Variants in CLHC1 observed in about 807,000 individuals in gnomAD.
CLHC1 encodes the protein clathrin heavy chain linker domain containing 1.
CLHC1 carries 72 observed loss-of-function variants against 69.5 expected under a neutral mutation model. The observed-to-expected ratio is 1.04, with a 90% CI of 0.86 to 1.26. The LOEUF (loss-of-function observed/expected upper bound fraction) is 1.26. Among genes scored for constraint, CLHC1 ranks in the 50% most tolerant of loss-of-function variants. The pLI, the probability that CLHC1 is intolerant of heterozygous loss-of-function variation, is 0.00. For synonymous variants in CLHC1, 223 were observed against 224.3 expected, an observed-to-expected ratio of 0.99 and a Z score of 0.05; for missense variants, 790 against 679.3, an observed-to-expected ratio of 1.16 and a Z score of -1.81.
rs1253120989 is a variant in CLHC1 at position 55,173,200 on chromosome 2, C to A, written c.*2590G>T. 2.6e-5 allele frequency among the ~76,000 whole-genome samples: 4 copies of A among 152,114 alleles called. No homozygotes were observed. The highest frequency in any genetic ancestry group is 9.7e-5 in the African/African-American group (4 of 41,412). On this transcript the variant is annotated 3_prime_UTR_variant, in exon 13 of 13. Coordinates refer to ENST00000401408, the MANE Select transcript of CLHC1 (RefSeq NM_152385.4). ...AGCAAGACCTAATAGAACACATGAACGTTGGTTAAATCTTCATTGGAACAA... is the reference window on the plus strand; with the variant it reads ...AGCAAGACCTAATAGAACACATGAAAGTTGGTTAAATCTTCATTGGAACAA...
chr2:55,221,045 A>T (rs375031469), intron 3 of CLHC1, among the ~76,000 whole-genome samples: 1 of 152,316 alleles, frequency 6.6e-6, no homozygotes. Flanking sequence ...ATATATCACT[A>T]TCTGAACCTC....
intron 4 of CLHC1, among the ~76,000 whole-genome samples, chr2:55,217,543 AAAAAAAAAAATATAT>A (rs1428633982): frequency 3.5e-5 from 3 of 84,934 alleles, no homozygotes; most frequent in Non-Finnish European, 6.4e-5. Flanking sequence ...AAAAAAAAAA[AAAAAAAAAAATATAT>A]ATATATATAT....
intron 9 of CLHC1, among the ~76,000 whole-genome samples, chr2:55,190,775 G>A (rs1012377971): frequency 6.6e-6 from 1 of 152,176 alleles, no homozygotes; most frequent in African/African-American, 2.4e-5. Flanking sequence ...CTGAATCGGT[G>A]AGTGGGGAGA....
At chr2:55,202,255 GA>G (rs35517817) in intron 9 of CLHC1, among the ~76,000 whole-genome samples, 106 of 138,840 alleles carry the variant, frequency 7.6e-4, no homozygotes, top group African/African-American at 9.4e-4. Context: ...TCTTATATTT[GA>G]AAAAAAAAAA....
rs1483338147 is a variant in CLHC1 at position 55,208,756 on chromosome 2, C to G, written c.815-46G>C. On this transcript the variant is annotated intron_variant, in intron 7 of 12. Coordinates refer to ENST00000401408, the MANE Select transcript of CLHC1 (RefSeq NM_152385.4). ...ACTGGAAGATATTTAAGGTTACTTA[C>G]CAATAGAAAACAATAAACATACATG... is the stretch of plus-strand genomic sequence containing the variant. 5.3e-6 allele frequency: 7 copies of G among 1,326,224 alleles called. No individual in the cohort carries two copies. The East Asian group carries it at 1.6e-4, about 31-fold the overall frequency. 82.2% of individuals were successfully genotyped at this position (1,326,224 alleles called of 1,614,324 possible).
At chr2:55,222,575 GA>G (rs776214463) in intron 2 of CLHC1, 82 bp from the exon 3 acceptor site, 3 of 546,226 alleles carry the variant, frequency 5.5e-6, no homozygotes, top group Non-Finnish European at 6.2e-6. Flanking sequence ...ATTTTTTTTA[GA>G]AAAAAATTTC....
intron 10 of CLHC1, 26 bp downstream of exon 10, chr2:55,181,544 T>A (rs1573594544): frequency 6.5e-7 from 1 of 1,531,302 alleles, no homozygotes; most frequent in South Asian, 1.2e-5. Flanking sequence ...ATGTCAAAAT[T>A]AAGTTAAAAG....
In CLHC1 at chr2:55,226,298, G is replaced by C. The variant is rs538716081; in HGVS notation, c.-83+1734C>G. ...GATTTAGTCACATTAACTTCAAACA[G>C]AACTCTTGGCTTGCTTAATAATGGC... On this transcript the variant is annotated intron_variant, in intron 2 of 12. Transcript: ENST00000401408. 3.9e-5 allele frequency among the ~76,000 whole-genome samples: 6 copies of C among 151,924 alleles called. No homozygotes were observed. In the East Asian group the frequency reaches 9.7e-4, roughly 24 times the overall value.
At chr2:55,177,497 A>C (rs1440364906) in intron 12 of CLHC1, 105 bp downstream of exon 12, 1 of 672,124 alleles carries the variant, frequency 1.5e-6, no homozygotes, top group Non-Finnish European at 2.4e-6. Flanking sequence ...ACTCTTGCTA[A>C]GAAGGAACTC....
chr2:55,192,371 C>T (rs558771796), intron 9 of CLHC1, among the ~76,000 whole-genome samples: 43 of 152,232 alleles, frequency 2.8e-4, no homozygotes, highest in Middle Eastern at 3.4e-3. Flanking sequence ...CCACCCACCT[C>T]GGCCTCCTAA....
intron 9 of CLHC1, among the ~76,000 whole-genome samples, chr2:55,193,335 T>A (rs556737593): frequency 5.9e-5 from 9 of 152,086 alleles, no homozygotes; most frequent in East Asian, 5.8e-4. Context: ...CTTTTTTTTT[T>A]AAATTAAAAA....
chr2:55,203,063 G>A (rs1257882105), intron 9 of CLHC1, among the ~76,000 whole-genome samples: 1 of 151,956 alleles, frequency 6.6e-6, no homozygotes, highest in Admixed American at 6.6e-5. Context: ...TAAATACCTA[G>A]AATTAACCAA....
intron 1 of CLHC1, among the ~76,000 whole-genome samples, chr2:55,230,913 G>A (rs906637839): frequency 6.6e-6 from 1 of 152,176 alleles, no homozygotes; most frequent in Admixed American, 6.5e-5. Context: ...GCAACTCTAG[G>A]AAATTTTGTT....
At chr2:55,200,706 C>T (rs919664627) in intron 9 of CLHC1, among the ~76,000 whole-genome samples, 1 of 152,168 alleles carries the variant, frequency 6.6e-6, no homozygotes, top group African/African-American at 2.4e-5. Flanking sequence ...CAGAACGTAT[C>T]ACCCAACAGC....
chr2:55,214,534 G>A (rs1673315432), intron 4 of CLHC1: 2 of 152,304 alleles, frequency 1.3e-5, no homozygotes, highest in Admixed American at 1.3e-4. Flanking sequence ...TAAAAAACGA[G>A]TTTGTCAGTA....
Position 55,217,803 on chromosome 2 carries a change from A to T in CLHC1, c.365+8T>A. The T allele has an allele frequency of 6.6e-7, 1 of 1,512,116 alleles. No homozygotes were observed. Among genetic ancestry groups the T allele is most frequent in the Non-Finnish European group, 8.9e-7 (1 of 1,129,796 alleles). 93.7% of individuals were successfully genotyped at this position (1,512,116 alleles called of 1,614,324 possible). A position where few individuals can be genotyped will look rare whatever the true frequency, so the allele number is the denominator to read the frequency against. On this transcript the variant is annotated splice_region_variant and intron_variant, in intron 4 of 12. Transcript: ENST00000401408. The stretch of plus-strand genomic sequence containing the variant: ...ACCATCTTTTGGGCTAGTTACTAAA[A>T]TACTTACTTTGCTTCAAGTTGGATT...
intron 9 of CLHC1, among the ~76,000 whole-genome samples, chr2:55,189,457 C>G (rs1464954254): frequency 6.6e-6 from 1 of 152,130 alleles, no homozygotes; most frequent in Non-Finnish European, 1.5e-5. Context: ...GGACATAAGG[C>G]AGTGAAGGAT....
At chr2:55,208,792 C>T in intron 7 of CLHC1, 82 bp from the exon 8 acceptor site, 1 of 919,206 alleles carries the variant, frequency 1.1e-6, no homozygotes, top group Non-Finnish European at 1.8e-6. Flanking sequence ...TGTTTAATAC[C>T]AACAGCTTAT....
intron 2 of CLHC1, among the ~76,000 whole-genome samples, chr2:55,223,655 CG>C (rs1192566578): frequency 6.6e-6 from 1 of 152,066 alleles, no homozygotes; most frequent in Non-Finnish European, 1.5e-5. Flanking sequence ...CGGAGGCTCG[CG>C]GGGACCACTG....
Sources: allele counts gnomAD v4.1 joint callset (sites outside exome capture counted in the v4.1 genomes callset), GRCh38; gene constraint gnomAD v4.1.1; transcripts MANE v1.5; gene names NCBI Gene and HGNC (gene_info 2026-07-23, HGNC 2026-07-21).